Variants in UBE2E2 observed in about 807,000 individuals in gnomAD.
UBE2E2 encodes ubiquitin-conjugating enzyme E2 E2.
In UBE2E2, 6 loss-of-function variants were observed where a neutral mutation model predicts 24.7. The observed-to-expected ratio is 0.24, with a 90% CI of 0.13 to 0.48. The LOEUF is 0.48. UBE2E2 is among the 20% of genes least tolerant of loss of function. The pLI, the probability that UBE2E2 is intolerant of heterozygous loss-of-function variation, is 0.99. For missense variants in UBE2E2, 169 were observed against 245.0 expected (o/e 0.69, Z 2.07); for synonymous variants, 104 against 83.6 (o/e 1.24, Z -1.33).
chr3:23,275,461 A>G (rs1698355743), intron 3 of UBE2E2, among the ~76,000 whole-genome samples: 1 of 152,192 alleles, frequency 6.6e-6, no homozygotes, highest in Non-Finnish European at 1.5e-5. Context: ...CAAATCCTGC[A>G]TTGTGTTTCT....
chr3:23,271,334 G>C (rs1425884818), intron 3 of UBE2E2, among the ~76,000 whole-genome samples: 1 of 152,154 alleles, frequency 6.6e-6, no homozygotes, highest in Non-Finnish European at 1.5e-5. Context: ...GCTGGCTTCA[G>C]GAGTGAAGCT....
chr3:23,465,145 T>C (rs1698895085), intron 3 of UBE2E2, among the ~76,000 whole-genome samples: 1 of 152,214 alleles, frequency 6.6e-6, no homozygotes, highest in African/African-American at 2.4e-5. Context: ...TTTCTACATG[T>C]CATATCATTT....
intron 3 of UBE2E2, among the ~76,000 whole-genome samples, chr3:23,433,191 T>C (rs779779315): frequency 2.0e-5 from 3 of 151,998 alleles, no homozygotes; most frequent in Non-Finnish European, 4.4e-5. Flanking sequence ...GATACTGTGG[T>C]GGACCAAAAT....
chr3:23,562,878 C>T (rs1286382751), intron 5 of UBE2E2, among the ~76,000 whole-genome samples: 21 of 151,912 alleles, frequency 1.4e-4, no homozygotes, highest in South Asian at 4.2e-4. Flanking sequence ...TAGTATTCTC[C>T]GATGGTAGTT....
intron 3 of UBE2E2, among the ~76,000 whole-genome samples, chr3:23,479,548 G>A (rs528340011): frequency 1.3e-5 from 2 of 152,066 alleles, no homozygotes; most frequent in Non-Finnish European, 1.5e-5. Context: ...GGGTAGGGGG[G>A]GTATGTTTCA....
intron 4 of UBE2E2, among the ~76,000 whole-genome samples, chr3:23,525,499 G>A (rs1215444735): frequency 1.3e-5 from 2 of 152,074 alleles, no homozygotes; most frequent in East Asian, 1.9e-4. Context: ...TCCTTTTTAT[G>A]GAAAATGTTC....
chr3:23,497,425 A>G (rs969300984), intron 3 of UBE2E2, among the ~76,000 whole-genome samples: 2 of 152,246 alleles, frequency 1.3e-5, no homozygotes, highest in Non-Finnish European at 2.9e-5. Flanking sequence ...TTAAGCAGCT[A>G]TTGGCAATAG....
chr3:23,399,930 G>A lies in UBE2E2; in HGVS notation c.228-99678G>A, dbSNP rs558424800. Reference sequence around the variant, plus strand: ...GATTGCATCTTTATTTGGCATTTGAGTTGAGAATTGTGCTCCTTACTACTA... The same window carrying A: ...GATTGCATCTTTATTTGGCATTTGAATTGAGAATTGTGCTCCTTACTACTA... On this transcript the variant is annotated intron_variant, in intron 3 of 5. Coordinates refer to ENST00000396703, the MANE Select transcript of UBE2E2 (RefSeq NM_152653.4). 9.7e-4 allele frequency among the ~76,000 whole-genome samples: 147 copies of A among 152,266 alleles called. 3 individuals carry two copies. The South Asian group carries it at 0.021, about 22-fold the overall frequency.
chr3:23,304,198 G>T (rs1013049167), intron 3 of UBE2E2, among the ~76,000 whole-genome samples: 2 of 152,150 alleles, frequency 1.3e-5, no homozygotes, highest in Admixed American at 6.6e-5. Context: ...GGTCAAAGAC[G>T]TAAGTGTGGT....
chr3:23,305,889 C>G (rs191615146), intron 3 of UBE2E2, among the ~76,000 whole-genome samples: 206 of 152,212 alleles, frequency 1.4e-3, no homozygotes, highest in Non-Finnish European at 1.2e-3. Flanking sequence ...GCCACAGTGC[C>G]CAAACCCTAA....
intron 3 of UBE2E2, among the ~76,000 whole-genome samples, chr3:23,477,520 G>T (rs1699165234): frequency 6.6e-6 from 1 of 152,154 alleles, no homozygotes; most frequent in African/African-American, 2.4e-5. Context: ...ATGAAATGAA[G>T]AACTTTGGAC....
intron 3 of UBE2E2, among the ~76,000 whole-genome samples, chr3:23,386,846 C>T (rs1696814979): frequency 6.6e-6 from 1 of 152,122 alleles, no homozygotes; most frequent in East Asian, 1.9e-4. Flanking sequence ...ATTTGCTGGC[C>T]ATTCAGTTTT....
intron 3 of UBE2E2, among the ~76,000 whole-genome samples, chr3:23,265,650 C>T (rs1282222482): frequency 2.6e-5 from 4 of 152,216 alleles, no homozygotes; most frequent in Non-Finnish European, 5.9e-5. Context: ...CACAGGGAAC[C>T]ATTGGTAAGG....
chr3:23,442,151 G>A (rs1698321400), intron 3 of UBE2E2, among the ~76,000 whole-genome samples: 1 of 152,096 alleles, frequency 6.6e-6, no homozygotes, highest in South Asian at 2.1e-4. Flanking sequence ...TTAAACATTA[G>A]TAACAATAGG....
chr3:23,425,113 C>A (rs1308353406), intron 3 of UBE2E2, among the ~76,000 whole-genome samples: 1 of 152,136 alleles, frequency 6.6e-6, no homozygotes, highest in Non-Finnish European at 1.5e-5. Context: ...GATTTTAAAG[C>A]AAATTCCAAG....
At chr3:23,528,779 TA>T (rs1441346901) in intron 4 of UBE2E2, among the ~76,000 whole-genome samples, 1 of 152,180 alleles carries the variant, frequency 6.6e-6, no homozygotes, top group African/African-American at 2.4e-5. Flanking sequence ...ACTGGGGTCT[TA>T]AGGGGGATTC....
At chr3:23,215,825 G>C (rs1696460879) in intron 2 of UBE2E2, among the ~76,000 whole-genome samples, 1 of 152,134 alleles carries the variant, frequency 6.6e-6, no homozygotes, top group African/African-American at 2.4e-5. Context: ...CTTTAACCTG[G>C]ACTTAGCCAC....
intron 3 of UBE2E2, among the ~76,000 whole-genome samples, chr3:23,442,169 A>G (rs964106665): frequency 2.6e-5 from 4 of 152,210 alleles, no homozygotes; most frequent in African/African-American, 7.2e-5. Flanking sequence ...AGGATAAGGA[A>G]TATTAACTGA....
intron 3 of UBE2E2, among the ~76,000 whole-genome samples, chr3:23,458,670 G>A (rs1698737514): frequency 6.6e-6 from 1 of 152,044 alleles, no homozygotes; most frequent in South Asian, 2.1e-4. Flanking sequence ...GCCCACCTCG[G>A]CCTCCCAAAG....
Sources: allele counts gnomAD v4.1 joint callset (sites outside exome capture counted in the v4.1 genomes callset), GRCh38; gene constraint gnomAD v4.1.1; transcripts MANE v1.5; gene names NCBI Gene and HGNC (gene_info 2026-07-23, HGNC 2026-07-21).